Variants in PDE4A observed in about 807,000 individuals in gnomAD.
PDE4A encodes 3',5'-cyclic-AMP phosphodiesterase 4A.
In PDE4A, 21 loss-of-function variants were observed where a neutral mutation model predicts 73.9. The observed-to-expected ratio is 0.28, with a 90% CI of 0.20 to 0.41. The LOEUF (loss-of-function observed/expected upper bound fraction) is 0.41. Ranked by LOEUF, PDE4A falls within the 10% of genes least tolerant of loss-of-function variation. PDE4A has a pLI of 1.00. For missense variants in PDE4A, 958 were observed against 1,211.4 expected, an observed-to-expected ratio of 0.79 and a Z score of 3.10; for synonymous variants, 463 against 505.4, an observed-to-expected ratio of 0.92 and a Z score of 1.13.
At chr19:10,433,334 C>T (rs952761301) in intron 1 of PDE4A, among the ~76,000 whole-genome samples, 2 of 152,120 alleles carry the variant, frequency 1.3e-5, no homozygotes, top group African/African-American at 4.8e-5. Flanking sequence ...GTCTACACTG[C>T]GTTCCTCCAC....
upstream of PDE4A, chr19:10,419,132 C>G (rs2042615576): frequency 1.0e-6 from 1 of 956,870 alleles, no homozygotes; most frequent in Admixed American, 7.2e-5. Context: ...GCATCGCGTG[C>G]CCTGGGGAGC....
intron 13 of PDE4A, among the ~76,000 whole-genome samples, chr19:10,462,247 C>T (rs537013668): frequency 1.3e-5 from 2 of 151,952 alleles, no homozygotes; most frequent in South Asian, 2.1e-4. Flanking sequence ...TCCCGCCTCC[C>T]GGGTTCAAGC....
chr19:10,422,148 G>A (rs933588174), intron 1 of PDE4A, among the ~76,000 whole-genome samples: 3 of 152,158 alleles, frequency 2.0e-5, no homozygotes, highest in African/African-American at 7.2e-5. Flanking sequence ...CAGTGATTGT[G>A]CAATGGTGTT....
At position 10,458,752 on chromosome 19, in the gene PDE4A, G is replaced by A. The variant is rs371921632; in HGVS notation, c.1102-648G>A. Among the ~76,000 whole-genome samples, 6 of 152,182 alleles carry A rather than the reference G, an allele frequency of 3.9e-5. No homozygotes were observed. The highest frequency in any genetic ancestry group is 1.9e-4 in the East Asian group (1 of 5,184). On this transcript the variant is annotated intron_variant, in intron 8 of 14. Coordinates refer to ENST00000380702, the MANE Select transcript of PDE4A (RefSeq NM_001111307.2). The surrounding 1 kb of genome is among the most constrained non-coding windows in gnomAD (Gnocchi z 4.6). The stretch of plus-strand genomic sequence containing the variant: ...TCCTGCCTCACCCTCCTGACTAGCC[G>A]GGACTAAAGGCCTGTGCCAGCACAC...
At chr19:10,452,355 T>C (rs1423560319) in intron 6 of PDE4A, among the ~76,000 whole-genome samples, 2 of 151,574 alleles carry the variant, frequency 1.3e-5, no homozygotes, top group African/African-American at 2.4e-5. Flanking sequence ...GAGAATTGCT[T>C]GAACCTGGAA....
intron 4 of PDE4A, 140 bp downstream of exon 4, chr19:10,449,290 G>T: frequency 1.2e-6 from 1 of 859,434 alleles, no homozygotes; most frequent in Non-Finnish European, 1.9e-6. Flanking sequence ...CAGAAAGCCA[G>T]AGAGCCATTG....
intron 7 of PDE4A, among the ~76,000 whole-genome samples, chr19:10,457,127 G>A (rs1377718284): frequency 6.6e-6 from 1 of 152,122 alleles, no homozygotes; most frequent in Non-Finnish European, 1.5e-5. Context: ...GAACCCGGGA[G>A]GTGGAGGCTA....
intron 1 of PDE4A, among the ~76,000 whole-genome samples, chr19:10,435,352 A>G (rs1022241452): frequency 2.0e-5 from 3 of 152,018 alleles, no homozygotes; most frequent in Non-Finnish European, 2.9e-5. Flanking sequence ...GCTTGAGTCT[A>G]GGAGTTCAAG....
chr19:10,447,973 G>C (rs773341099), intron 2 of PDE4A, among the ~76,000 whole-genome samples: 1 of 152,050 alleles, frequency 6.6e-6, no homozygotes, highest in Non-Finnish European at 1.5e-5. Context: ...TATTCACCTC[G>C]GGTCAGGCTT....
In PDE4A at chr19:10,432,183, G is replaced by C. The variant is rs552971429; in HGVS notation, c.320+11099G>C. 5.0e-3 allele frequency among the ~76,000 whole-genome samples: 720 copies of C among 142,730 alleles called. 75 individuals carry two copies. Among genetic ancestry groups the C allele is most frequent in the Non-Finnish European group, 7.2e-3 (453 of 63,294 alleles). The allele number at this position is 142,730 out of a possible 152,430, so 93.6% of individuals were successfully genotyped here. A position where few individuals can be genotyped will look rare whatever the true frequency, so the allele number is the denominator to read the frequency against. The stretch of plus-strand genomic sequence containing the variant: ...GGCCTAGGAGGGAGGAGACGGGGGG[G>C]GGGGGGGGAAGTGTGCGTCCGACTC... On this transcript the variant is annotated intron_variant, in intron 1 of 14. Transcript: ENST00000380702.
At chr19:10,466,308 G>T (rs1362784684) in intron 14 of PDE4A, among the ~76,000 whole-genome samples, 13 of 149,074 alleles carry the variant, frequency 8.7e-5, no homozygotes, top group Admixed American at 4.6e-4. Flanking sequence ...AGCCAGGCAC[G>T]ATGGCGGGCG....
upstream of PDE4A, chr19:10,418,810 A>G: frequency 2.0e-6 from 2 of 985,210 alleles, no homozygotes; most frequent in Non-Finnish European, 2.4e-6. Context: ...CCCGCCAAGA[A>G]TTTGGCCCAG....
intron 11 of PDE4A, 67 bp from the exon 12 acceptor site, chr19:10,461,459 G>A (rs2043268405): frequency 6.3e-7 from 1 of 1,585,702 alleles, no homozygotes; most frequent in Non-Finnish European, 8.6e-7. Context: ...GTTGGGGGCG[G>A]AGCTGGCCCT....
At chr19:10,451,395 C>T (rs898794980) in intron 6 of PDE4A, among the ~76,000 whole-genome samples, 2 of 151,596 alleles carry the variant, frequency 1.3e-5, no homozygotes, top group Admixed American at 1.3e-4. Flanking sequence ...AATAGGTGAC[C>T]GTTTCCGTTG....
At chr19:10,438,223 G>A (rs914451955) in intron 1 of PDE4A, among the ~76,000 whole-genome samples, 3 of 149,158 alleles carry the variant, frequency 2.0e-5, no homozygotes, top group African/African-American at 5.0e-5. Context: ...AGCGATTCTC[G>A]TGCCTCAGCC....
At chr19:10,425,664 C>T (rs931431611) in intron 1 of PDE4A, among the ~76,000 whole-genome samples, 5 of 152,090 alleles carry the variant, frequency 3.3e-5, no homozygotes, top group Admixed American at 6.6e-5. Flanking sequence ...GGCATCTGAG[C>T]CCACTCTTTT....
chr19:10,462,036 C>A (rs1483704181), intron 13 of PDE4A, 37 bp downstream of exon 13: 1 of 1,565,682 alleles, frequency 6.4e-7, no homozygotes, highest in Non-Finnish European at 8.7e-7. Flanking sequence ...AGGGAGGACA[C>A]TCCCCCAGCC....
rs558290123 is a variant in PDE4A at position 10,421,386 on chromosome 19, G to A, written c.320+302G>A. 4.1e-6 allele frequency: 4 copies of A among 969,940 alleles called. No individual in the cohort carries two copies. In the East Asian group the frequency reaches 4.6e-4, roughly 111 times the overall value. 60.1% of individuals were successfully genotyped at this position (969,940 alleles called of 1,614,324 possible). A position where few individuals can be genotyped will look rare whatever the true frequency, so the allele number is the denominator to read the frequency against. ...AGGGGTCTGTATTCTTGGTGACAGT[G>A]CAGAACAGCTGCTAAGCTGGGAACC... is the stretch of plus-strand genomic sequence containing the variant. On this transcript the variant is annotated intron_variant, in intron 1 of 14. Transcript: ENST00000380702.
intron 1 of PDE4A, among the ~76,000 whole-genome samples, chr19:10,443,963 C>T (rs1277697091): frequency 1.4e-5 from 2 of 141,632 alleles, no homozygotes; most frequent in African/African-American, 2.7e-5. Flanking sequence ...GCCAAGATCG[C>T]ATCACTGGAC....
Sources: gnomAD v4.1 joint callset for allele counts (sites outside exome capture counted in the v4.1 genomes callset) on GRCh38, gnomAD v4.1.1 for gene constraint, Gnocchi (gnomAD v3.1) non-coding constraint, MANE v1.5 for transcripts, NCBI Gene and HGNC (gene_info 2026-07-23, HGNC 2026-07-21) for gene names.